The following PIGL variants were observed in gnomAD, a reference collection of about 807,000 sequenced individuals.
PIGL encodes the protein N-acetylglucosaminyl-phosphatidylinositol de-N-acetylase.
A neutral mutation model predicts 31.1 loss-of-function variants in PIGL; 22 were observed. That is an observed-to-expected ratio of 0.71 (90% CI 0.51 to 1.01). PIGL has a LOEUF of 1.01. Among genes scored for constraint, PIGL ranks in the 50% least tolerant of loss-of-function variants. The pLI is 0.00. For synonymous variants in PIGL, 131 were observed against 117.4 expected (o/e 1.12, Z -0.75); for missense variants, 302 against 315.9 (o/e 0.96, Z 0.33).
chr17:16,222,559 TA>T (rs1349640887), intron 1 of PIGL, among the ~76,000 whole-genome samples: 1 of 152,098 alleles, frequency 6.6e-6, no homozygotes, highest in Non-Finnish European at 1.5e-5. Flanking sequence ...AGCTACAGTG[TA>T]AAGAAGCCAG....
At position 16,233,145 on chromosome 17, in the gene PIGL, T is replaced by C. The variant is rs79236195; in HGVS notation, c.236-826T>C. On this transcript the variant is annotated intron_variant, in intron 1 of 6. Coordinates refer to ENST00000225609, the MANE Select transcript of PIGL (RefSeq NM_004278.4). ...AAAATGGCCATTATCTCCACTTAACTGGTGAAGAAACTGTGGCTCAAGAAA... is the reference window on the plus strand; with the variant it reads ...AAAATGGCCATTATCTCCACTTAACCGGTGAAGAAACTGTGGCTCAAGAAA... 4.0e-3 allele frequency among the ~76,000 whole-genome samples: 605 copies of C among 151,564 alleles called. 2 individuals carry two copies. Among genetic ancestry groups the C allele is most frequent in the African/African-American group, 0.014 (581 of 41,390 alleles).
intron 6 of PIGL, among the ~76,000 whole-genome samples, chr17:16,321,638 T>C (rs907110815): frequency 5.9e-5 from 9 of 152,220 alleles, no homozygotes; most frequent in African/African-American, 1.9e-4. Flanking sequence ...AATTATCTTG[T>C]TTCTTCAATA....
chr17:16,310,140 G>T (rs2093042972), intron 3 of PIGL, among the ~76,000 whole-genome samples: 1 of 150,378 alleles, frequency 6.6e-6, no homozygotes, highest in South Asian at 2.1e-4. Flanking sequence ...ATCATTAGAA[G>T]ACTTTCTTGA....
chr17:16,220,116 G>A (rs1387395777), intron 1 of PIGL, among the ~76,000 whole-genome samples: 11 of 151,936 alleles, frequency 7.2e-5, no homozygotes, highest in Admixed American at 6.6e-4. Context: ...TTGGGAGGCC[G>A]AGGCGGGCAG....
At chr17:16,217,630 C>CACTT in intron 1 of PIGL, 169 bp downstream of exon 1, 1 of 540,670 alleles carries the variant, frequency 1.8e-6, no homozygotes, top group East Asian at 3.0e-5. Flanking sequence ...GGCCGGCTTA[C>CACTT]CTGGTGGGTT....
At chr17:16,228,382 T>A (rs537167671) in intron 1 of PIGL, among the ~76,000 whole-genome samples, 91 of 151,500 alleles carry the variant, frequency 6.0e-4, no homozygotes, top group Non-Finnish European at 1.1e-3. Flanking sequence ...TATTTCTTTA[T>A]TTATTTTATT....
chr17:16,289,383 C>T (rs1031238964), intron 2 of PIGL, among the ~76,000 whole-genome samples: 2 of 152,210 alleles, frequency 1.3e-5, no homozygotes, highest in African/African-American at 4.8e-5. Flanking sequence ...GCTATCTCAT[C>T]CAACTCCATT....
At chr17:16,232,138 C>T (rs1191362490) in intron 1 of PIGL, among the ~76,000 whole-genome samples, 3 of 151,916 alleles carry the variant, frequency 2.0e-5, no homozygotes, top group African/African-American at 4.8e-5. Flanking sequence ...ATTAGCCAGG[C>T]GTGGTGGTGG....
intron 1 of PIGL, among the ~76,000 whole-genome samples, chr17:16,231,698 T>A (rs2092680130): frequency 6.6e-6 from 1 of 152,204 alleles, no homozygotes; most frequent in South Asian, 2.1e-4. Flanking sequence ...TTATGATTGC[T>A]AGTTATGACT....
chr17:16,258,135 GAGAA>G (rs1188478417), intron 2 of PIGL, among the ~76,000 whole-genome samples: 47 of 115,194 alleles, frequency 4.1e-4, no homozygotes, highest in Non-Finnish European at 6.8e-4. Context: ...AAGAGAGAGA[GAGAA>G]AGAGAGAGAG....
chr17:16,220,160 C>CA (rs1396644691), intron 1 of PIGL, among the ~76,000 whole-genome samples: 1 of 151,880 alleles, frequency 6.6e-6, no homozygotes, highest in Non-Finnish European at 1.5e-5. Flanking sequence ...CCATCTTGGC[C>CA]AACATGTTGA....
In PIGL at chr17:16,275,237, T is replaced by A. The variant is rs901350393; in HGVS notation, c.336-24651T>A. ...CCCATTTTAGACCATAGAGCGTAAC[T>A]TCCTGACGTTGCTATGGCATTTGTA... is the stretch of plus-strand genomic sequence containing the variant. On this transcript the variant is annotated intron_variant, in intron 2 of 6. Coordinates refer to ENST00000225609, the MANE Select transcript of PIGL (RefSeq NM_004278.4). Among the ~76,000 whole-genome samples the A allele has an allele frequency of 4.6e-5, 7 of 152,296 alleles. No individual in the cohort carries two copies. In the East Asian group the frequency reaches 1.2e-3, roughly 25 times the overall value.
chr17:16,309,244 A>T (rs1480208380), intron 3 of PIGL, among the ~76,000 whole-genome samples: 1 of 152,164 alleles, frequency 6.6e-6, no homozygotes, highest in Non-Finnish European at 1.5e-5. Flanking sequence ...GTGAGCTATG[A>T]TCATGCCACT....
chr17:16,282,145 G>C, intron 2 of PIGL: 1 of 450,694 alleles, frequency 2.2e-6, no homozygotes, highest in South Asian at 1.6e-5. Context: ...GGGTCTTCCT[G>C]GGAATTAGCA....
chr17:16,312,943 GAGA>G, intron 3 of PIGL: 1 of 150,356 alleles, frequency 6.7e-6, no homozygotes, highest in African/African-American at 2.5e-5. Flanking sequence ...GGGGGAGAGG[GAGA>G]GGGAGAGGGA....
At chr17:16,287,121 C>T (rs2092941514) in intron 2 of PIGL, among the ~76,000 whole-genome samples, 1 of 152,224 alleles carries the variant, frequency 6.6e-6, no homozygotes, top group South Asian at 2.1e-4. Context: ...CTCCAGATGC[C>T]TTTCTCCAGC....
At chr17:16,242,177 C>T (rs1204584187) in intron 2 of PIGL, among the ~76,000 whole-genome samples, 1 of 152,036 alleles carries the variant, frequency 6.6e-6, no homozygotes, top group Non-Finnish European at 1.5e-5. Context: ...CCTCAGCCTC[C>T]TAAGTAGCTA....
intron 1 of PIGL, among the ~76,000 whole-genome samples, chr17:16,231,732 A>G (rs1415132058): frequency 6.6e-6 from 1 of 152,186 alleles, no homozygotes; most frequent in Non-Finnish European, 1.5e-5. Flanking sequence ...TGGGAAGACT[A>G]CTAAGCATAC....
chr17:16,254,612 TTG>T (rs748831607), intron 2 of PIGL, among the ~76,000 whole-genome samples: 11 of 150,774 alleles, frequency 7.3e-5, no homozygotes, highest in Non-Finnish European at 1.0e-4. Context: ...TTTTTTTGTT[TTG>T]TTTTTTTTGA....
Sources: gnomAD v4.1 joint callset for allele counts (sites outside exome capture counted in the v4.1 genomes callset) on GRCh38, gnomAD v4.1.1 for gene constraint, MANE v1.5 for transcripts, NCBI Gene and HGNC (gene_info 2026-07-23, HGNC 2026-07-21) for gene names.